The following SMAD3 variants were observed in gnomAD, a reference collection of about 807,000 sequenced individuals.
SMAD3 encodes the protein SMAD family member 3.
SMAD3 carries 12 observed loss-of-function variants against 51.8 expected under a neutral mutation model. That is an observed-to-expected ratio of 0.23 (90% CI 0.15 to 0.38). The LOEUF (loss-of-function observed/expected upper bound fraction) is 0.38, where lower values mean the gene tolerates loss of function less well. Among genes scored for constraint, SMAD3 ranks in the 10% least tolerant of loss-of-function variants. The probability of loss-of-function intolerance (pLI) is 1.00; values close to 1 mark genes in which losing one functional copy is unlikely to be tolerated. For missense variants in SMAD3, 294 were observed against 565.6 expected, an observed-to-expected ratio of 0.52 and a Z score of 4.87; for synonymous variants, 238 against 227.7, an observed-to-expected ratio of 1.05 and a Z score of -0.41.
intron 1 of SMAD3, among the ~76,000 whole-genome samples, chr15:67,083,074 A>G (rs1318381628): frequency 1.3e-5 from 2 of 152,224 alleles, no homozygotes; most frequent in Non-Finnish European, 2.9e-5. Flanking sequence ...CCTGGAACCA[A>G]CAGCTACTTT....
intron 1 of SMAD3, among the ~76,000 whole-genome samples, chr15:67,098,347 G>GGAGAGAGAGA (rs10665292): frequency 2.1e-5 from 3 of 142,572 alleles, no homozygotes; most frequent in African/African-American, 5.4e-5. Flanking sequence ...AGGGAGGGAG[G>GGAGAGAGAGA]GAGAGAGCGA....
intron 1 of SMAD3, among the ~76,000 whole-genome samples, chr15:67,148,149 T>G (rs1274710055): frequency 1.3e-5 from 2 of 152,218 alleles, no homozygotes; most frequent in Non-Finnish European, 2.9e-5. Context: ...CACTTCCCCC[T>G]GCAAATTAGT....
At chr15:67,112,722 G>A (rs1311746736) in intron 1 of SMAD3, among the ~76,000 whole-genome samples, 1 of 132,170 alleles carries the variant, frequency 7.6e-6, no homozygotes, top group Non-Finnish European at 1.6e-5. Context: ...GCTTAATCCA[G>A]GGTCACAAAA....
chr15:67,098,903 G>T lies in SMAD3; in HGVS notation c.206+32543G>T, dbSNP rs551096373. 2.4e-4 allele frequency: 172 copies of T among 702,366 alleles called. 4 individuals carry two copies. The South Asian group carries it at 2.5e-3, about 10-fold the overall frequency. The allele number at this position is 702,366 out of a possible 1,614,324, so 43.5% of individuals were successfully genotyped here. ...GAGGGTGGACTCCGTTCCTGAGGGG[G>T]CCAGTGTGGAGGAGGGTCAGGCAGC... On this transcript the variant is annotated intron_variant, in intron 1 of 8. Transcript: ENST00000327367.
intron 4 of SMAD3, among the ~76,000 whole-genome samples, chr15:67,168,375 A>G (rs1438115974): frequency 1.3e-5 from 2 of 152,232 alleles, no homozygotes; most frequent in South Asian, 2.1e-4. Flanking sequence ...CGGAGTGACT[A>G]GTAGCGCGAA....
intron 1 of SMAD3, among the ~76,000 whole-genome samples, chr15:67,159,142 C>T (rs949983002): frequency 2.6e-5 from 4 of 152,000 alleles, no homozygotes; most frequent in Non-Finnish European, 4.4e-5. Context: ...GCAATCACAG[C>T]TCACTGCAGC....
At position 67,192,851 on chromosome 15, in the gene SMAD3, C is replaced by T; in HGVS notation, c.*2315C>T. ...GCTGCATTTGGATGGTGTCTTAGAA[C>T]CCTCATTGCTCAGACCTGAAGGCTA... On this transcript the variant is annotated 3_prime_UTR_variant, in exon 9 of 9. Coordinates refer to ENST00000327367, the MANE Select transcript of SMAD3 (RefSeq NM_005902.4). The T allele has an allele frequency of 4.3e-6, 1 of 233,338 alleles. No individual in the cohort carries two copies. The highest frequency in any genetic ancestry group is 8.5e-6 in the Non-Finnish European group (1 of 117,990). 14.5% of individuals were successfully genotyped at this position (233,338 alleles called of 1,614,324 possible).
chr15:67,134,015 G>A (rs1961592506), intron 1 of SMAD3, among the ~76,000 whole-genome samples: 1 of 151,912 alleles, frequency 6.6e-6, no homozygotes, highest in Non-Finnish European at 1.5e-5. Flanking sequence ...ATATTTTCAC[G>A]TTTAGCACCT....
intron 1 of SMAD3, among the ~76,000 whole-genome samples, chr15:67,150,136 A>G (rs1026914758): frequency 1.8e-4 from 28 of 152,334 alleles, no homozygotes; most frequent in African/African-American, 6.5e-4. Flanking sequence ...TTGTAAAATC[A>G]CTGGAGTGAG....
chr15:67,160,644 G>A (rs769987852), intron 1 of SMAD3, among the ~76,000 whole-genome samples: 2 of 151,788 alleles, frequency 1.3e-5, no homozygotes, highest in Admixed American at 6.6e-5. Context: ...GGTGCCAGGC[G>A]CCTGTAGTCC....
In SMAD3 at chr15:67,138,108, C is replaced by T. The variant is rs369937081; in HGVS notation, c.207-26787C>T. 15 of 1,549,310 alleles carry T rather than the reference C, an allele frequency of 9.7e-6. No homozygotes were observed. The highest frequency in any genetic ancestry group is 3.9e-5 in the Admixed American group (2 of 50,990). On this transcript the variant is annotated intron_variant, in intron 1 of 8. Coordinates refer to ENST00000327367, the MANE Select transcript of SMAD3 (RefSeq NM_005902.4). ...AGCATGGTGGATGGGGAGGTAGGAG[C>T]CCCGTGCCGGGACATGTCTTTTCTC...
chr15:67,126,043 C>G (rs1961378224), intron 1 of SMAD3: 5 of 877,458 alleles, frequency 5.7e-6, no homozygotes, highest in Non-Finnish European at 6.8e-6. Context: ...CACTGAGAAG[C>G]AGAAACTGTA....
chr15:67,132,265 C>T (rs987459058), intron 1 of SMAD3, among the ~76,000 whole-genome samples: 2 of 152,180 alleles, frequency 1.3e-5, no homozygotes, highest in South Asian at 2.1e-4. Context: ...ATGCTGCGAA[C>T]GTCTCACCCT....
chr15:67,084,083 T>TTC (rs1447783224), intron 1 of SMAD3, among the ~76,000 whole-genome samples: 2 of 131,744 alleles, frequency 1.5e-5, no homozygotes, highest in African/African-American at 6.4e-5. Flanking sequence ...TTTTTTTTTT[T>TTC]TTTTTTTTTT....
intron 1 of SMAD3, among the ~76,000 whole-genome samples, chr15:67,081,237 T>C (rs925603791): frequency 6.6e-6 from 1 of 152,194 alleles, no homozygotes; most frequent in Admixed American, 6.5e-5. Context: ...GAGTATTCAT[T>C]ACTTATGCTC....
At chr15:67,142,665 T>G (rs1961861500) in intron 1 of SMAD3, 1 of 302,266 alleles carries the variant, frequency 3.3e-6, no homozygotes, top group South Asian at 2.5e-5. Flanking sequence ...CAGGCTAGAC[T>G]AGAGGCGTCC....
At chr15:67,074,660 A>ATTGT (rs1052888098) in intron 1 of SMAD3, among the ~76,000 whole-genome samples, 2 of 151,952 alleles carry the variant, frequency 1.3e-5, no homozygotes, top group Non-Finnish European at 2.9e-5. Flanking sequence ...ATTGTATTGT[A>ATTGT]TTGTTTGTTT....
intron 1 of SMAD3, among the ~76,000 whole-genome samples, chr15:67,140,629 G>A (rs372254330): frequency 3.9e-5 from 6 of 152,182 alleles, no homozygotes; most frequent in South Asian, 2.1e-4. Flanking sequence ...GAAAGGGAAC[G>A]CTATTAATAA....
At chr15:67,076,498 T>C (rs1960173172) in intron 1 of SMAD3, among the ~76,000 whole-genome samples, 1 of 152,176 alleles carries the variant, frequency 6.6e-6, no homozygotes, top group Non-Finnish European at 1.5e-5. Context: ...CCTCAAGTAC[T>C]AGCTTACTGG....
Sources: gnomAD v4.1 joint callset for allele counts (sites outside exome capture counted in the v4.1 genomes callset) on GRCh38, gnomAD v4.1.1 for gene constraint, MANE v1.5 for transcripts, NCBI Gene and HGNC (gene_info 2026-07-23, HGNC 2026-07-21) for gene names.